USP47: variants seen among roughly 807,000 people sequenced by gnomAD.
The protein encoded by USP47 is ubiquitin specific peptidase 47, also known as ubiquitin carboxyl-terminal hydrolase 47.
In USP47, 35 loss-of-function variants were observed where a neutral mutation model predicts 165.1. The observed-to-expected ratio is 0.21, with a 90% CI of 0.16 to 0.28. The LOEUF is 0.28. Ranked by LOEUF, USP47 falls within the 10% of genes least tolerant of loss-of-function variation. The probability of loss-of-function intolerance (pLI) is 1.00; values close to 1 mark genes in which losing one functional copy is unlikely to be tolerated. For missense variants in USP47, 1,277 were observed against 1,607.4 expected (o/e 0.79, Z 3.52); for synonymous variants, 531 against 544.5 (o/e 0.98, Z 0.35).
chr11:11,948,271 T>C, intron 21 of USP47, 151 bp downstream of exon 21: 1 of 995,122 alleles, frequency 1.0e-6, no homozygotes, highest in Non-Finnish European at 1.4e-6. Flanking sequence ...TTTGTTGTTA[T>C]TTTTCTTCAC....
In USP47 at chr11:11,841,978, G is replaced by C; in HGVS notation, c.-208G>C. On this transcript the variant is annotated 5_prime_UTR_variant, in exon 1 of 28. Coordinates refer to ENST00000527733, the MANE Select transcript of USP47 (RefSeq NM_001282659.2). ...GGCTGGGGGAGGGGCCGACGACGAA[G>C]GCGGCTGTGGTAGCGGCGGCGGCGG... The C allele has an allele frequency of 1.9e-6, 1 of 530,178 alleles. No homozygotes were observed. Among genetic ancestry groups the C allele is most frequent in the South Asian group, 2.8e-5 (1 of 36,356 alleles). 32.8% of individuals were successfully genotyped at this position (530,178 alleles called of 1,614,324 possible). A position where few individuals can be genotyped will look rare whatever the true frequency, so the allele number is the denominator to read the frequency against.
Position 11,942,324 on chromosome 11 carries a change from T to G in USP47, c.2314-11T>G. ...AATTAATATATAATAAAACTCTGAC[T>G]TACTATGTAGGTGTTTGTTGAAAGC... On this transcript the variant is annotated splice_polypyrimidine_tract_variant and intron_variant, in intron 19 of 27. Transcript: ENST00000527733. 1 of 1,557,772 alleles carries G rather than the reference T, an allele frequency of 6.4e-7. No individual in the cohort carries two copies. The highest frequency in any genetic ancestry group is 2.2e-5 in the East Asian group (1 of 44,524).
intron 8 of USP47, 92 bp downstream of exon 8, chr11:11,905,640 A>C: frequency 3.2e-6 from 4 of 1,255,120 alleles, no homozygotes; most frequent in Non-Finnish European, 4.2e-6. Context: ...GTATCATCCT[A>C]GATACACCTT....
At chr11:11,906,802 A>G (rs890313970) in intron 8 of USP47, among the ~76,000 whole-genome samples, 1 of 152,164 alleles carries the variant, frequency 6.6e-6, no homozygotes, top group Admixed American at 6.5e-5. Flanking sequence ...CAAAGTAGAA[A>G]TGACATACTG....
intron 8 of USP47, 28 bp from the exon 9 acceptor site, chr11:11,920,128 A>AT: frequency 6.6e-7 from 1 of 1,513,486 alleles, no homozygotes; most frequent in South Asian, 1.3e-5. Context: ...ATTTTAAGTA[A>AT]TTATAAAACA....
chr11:11,885,758 C>T (rs569529988), intron 3 of USP47, among the ~76,000 whole-genome samples: 1 of 152,352 alleles, frequency 6.6e-6, no homozygotes, highest in South Asian at 2.1e-4. Context: ...CCCACTTCCA[C>T]AGCACCTCAC....
chr11:11,900,762 A>G (rs1852173882), intron 5 of USP47, among the ~76,000 whole-genome samples: 2 of 152,252 alleles, frequency 1.3e-5, no homozygotes, highest in South Asian at 4.1e-4. Flanking sequence ...GTTTCTAACT[A>G]AGATGACTAA....
At position 11,920,437 on chromosome 11, in the gene USP47, T is replaced by G; in HGVS notation, c.1161T>G (p.Asp387Glu). ...YTTMHRIKLN[D>E]RMTFPEELDM... ...CCATGCATAGGATTAAACTGAATGA[T>G]CGAATGACATTTCCCGAGGAACTAG... is the stretch of plus-strand genomic sequence containing the variant. The change falls in exon 10 of 28, where the codon GAT becomes GAG. Residue 387 changes from aspartate (D) to glutamate (E), a missense_variant. Physicochemically the swap from Asp to Glu is conservative, Grantham distance 45. This residue lies in a region of USP47 where 175 missense variants were observed against 295.8 expected (regional missense o/e 0.59). Coordinates refer to ENST00000527733, the MANE Select transcript of USP47 (RefSeq NM_001282659.2). The G allele has an allele frequency of 6.2e-7, 1 of 1,611,236 alleles. No individual in the cohort carries two copies. The highest frequency in any genetic ancestry group is 8.5e-7 in the Non-Finnish European group (1 of 1,178,326).
Position 11,933,920 on chromosome 11 carries a change from A to G in USP47, c.1854A>G (p.Val618=). The part of the protein sequence containing the change: ...VHKDKTLKEA[V]EMAYKMMDLE... ...AGGATAAGACATTAAAGGAAGCAGT[A>G]GAAATGGCTTATAAGGTATGTTTAA... is the stretch of plus-strand genomic sequence containing the variant. The change falls in exon 16 of 28, where the codon GTA becomes GTG. Residue 618 remains valine (V), a synonymous_variant. Transcript: ENST00000527733. 1 of 1,605,992 alleles carries G rather than the reference A, an allele frequency of 6.2e-7. No homozygotes were observed. Among genetic ancestry groups the G allele is most frequent in the Non-Finnish European group, 8.5e-7 (1 of 1,174,172 alleles).
intron 1 of USP47, among the ~76,000 whole-genome samples, chr11:11,872,459 C>G (rs1295596229): frequency 2.0e-5 from 3 of 152,144 alleles, no homozygotes; most frequent in Non-Finnish European, 4.4e-5. Flanking sequence ...TCCTACTTTA[C>G]GTAGGGAAGC....
chr11:11,926,442 C>T (rs2134648755), intron 11 of USP47, among the ~76,000 whole-genome samples: 2 of 152,182 alleles, frequency 1.3e-5, no homozygotes, highest in Non-Finnish European at 2.9e-5. Context: ...TTATCCATTT[C>T]TTCTAGGGTA....
At chr11:11,901,370 ATAT>A (rs1852217940) in intron 5 of USP47, among the ~76,000 whole-genome samples, 5 of 152,332 alleles carry the variant, frequency 3.3e-5, no homozygotes, top group East Asian at 1.9e-4. Flanking sequence ...AATAACATTA[ATAT>A]TGTTGTTACT....
At chr11:11,886,681 T>C (rs35628914) in intron 3 of USP47, among the ~76,000 whole-genome samples, 11,773 of 152,174 alleles carry the variant, frequency 0.077, 675 homozygotes, top group East Asian at 0.3. Context: ...AAGGATGTCA[T>C]CCAGGAGAAC....
intron 25 of USP47, 89 bp downstream of exon 25, chr11:11,952,960 C>A: frequency 9.8e-7 from 1 of 1,020,522 alleles, no homozygotes. Flanking sequence ...ACAATACATT[C>A]TTCCTGTGTT....
At chr11:11,885,436 G>A (rs1045437801) in intron 3 of USP47, among the ~76,000 whole-genome samples, 3 of 152,070 alleles carry the variant, frequency 2.0e-5, no homozygotes, top group Admixed American at 6.6e-5. Context: ...CAAAGCCAAA[G>A]GAATCCCCAC....
chr11:11,875,943 T>C (rs941384439), intron 1 of USP47, among the ~76,000 whole-genome samples: 3 of 152,234 alleles, frequency 2.0e-5, no homozygotes, highest in African/African-American at 7.2e-5. Context: ...CTTCAAACTT[T>C]GCTAGGAAAT....
At chr11:11,917,512 AAAT>A (rs1402020230) in intron 8 of USP47, among the ~76,000 whole-genome samples, 2 of 152,098 alleles carry the variant, frequency 1.3e-5, no homozygotes, top group Admixed American at 1.3e-4. Context: ...GACAAAGTAC[AAAT>A]AATACCACTT....
intron 14 of USP47, 152 bp from the exon 15 acceptor site, chr11:11,932,852 C>T (rs1854774563): frequency 3.4e-6 from 2 of 595,698 alleles, no homozygotes; most frequent in Non-Finnish European, 5.9e-6. Flanking sequence ...CTGGACGAAG[C>T]TTGTATTCCA....
At chr11:11,954,978 T>G in intron 26 of USP47, 34 bp downstream of exon 26, 1 of 1,613,784 alleles carries the variant, frequency 6.2e-7, no homozygotes, top group Non-Finnish European at 8.5e-7. Context: ...CTGTGTATTG[T>G]GCATGATAAA....
Sources: allele counts gnomAD v4.1 joint callset (sites outside exome capture counted in the v4.1 genomes callset), GRCh38; gene constraint gnomAD v4.1.1; regional missense constraint gnomAD v4.1.1; transcripts MANE v1.5; gene names NCBI Gene and HGNC (gene_info 2026-07-23, HGNC 2026-07-21).